RPS24: variants seen among roughly 807,000 people sequenced by gnomAD.
The protein encoded by RPS24 is ribosomal protein S24, also known as small ribosomal subunit protein eS24.
For missense variants in RPS24, 100 were observed against 162.5 expected (o/e 0.62, Z 2.09); for synonymous variants, 72 against 55.6 (o/e 1.30, Z -1.31).
chr10:78,042,814 T>A (rs1423567101), downstream of RPS24, among the ~76,000 whole-genome samples: 1 of 152,086 alleles, frequency 6.6e-6, no homozygotes, highest in Non-Finnish European at 1.5e-5. Flanking sequence ...AACCATGAGT[T>A]CTGTTTGTAG....
At chr10:78,038,988 A>T (rs1401971117) in intron 4 of RPS24, 1 of 152,166 alleles carries the variant, frequency 6.6e-6, no homozygotes, top group Admixed American at 6.6e-5. Context: ...TTGTAATGTG[A>T]TAAGTGGGGT....
intron 4 of RPS24, chr10:78,038,182 G>A (rs1201389948): frequency 2.0e-5 from 5 of 249,830 alleles, no homozygotes; most frequent in Non-Finnish European, 8.1e-6. Flanking sequence ...TTTTAAGATA[G>A]TATATTATGA....
chr10:78,045,882 A>G (rs574039935), intron 4 of RPS24, among the ~76,000 whole-genome samples: 16 of 152,012 alleles, frequency 1.1e-4, no homozygotes, highest in African/African-American at 3.9e-4. Context: ...CGTGCCTGTA[A>G]TCTCAATTAC....
intron 1 of RPS24, chr10:78,034,229 C>T: frequency 1.9e-6 from 1 of 513,730 alleles, no homozygotes; most frequent in Admixed American, 3.3e-5. Context: ...ATCTCGTCTG[C>T]AGTTCCTCAT....
At chr10:78,049,394 G>GGCC (rs1848077369) in intron 4 of RPS24, among the ~76,000 whole-genome samples, 1 of 152,152 alleles carries the variant, frequency 6.6e-6, no homozygotes, top group South Asian at 2.1e-4. Context: ...GGTTTAGAGG[G>GGCC]TATGTTAGGG....
At chr10:78,052,801 G>C (rs77101381) in intron 4 of RPS24, among the ~76,000 whole-genome samples, 1 of 152,200 alleles carries the variant, frequency 6.6e-6, no homozygotes, top group Non-Finnish European at 1.5e-5. Context: ...TTGTCCTGGA[G>C]TGTGGAGTGT....
intron 2 of RPS24, 38 bp downstream of exon 2, chr10:78,035,455 TTACTC>T (rs765078350): frequency 1.2e-6 from 2 of 1,613,120 alleles, no homozygotes; most frequent in African/African-American, 2.7e-5. Context: ...TAATTGTCCT[TTACTC>T]TAAAGATGTA....
chr10:78,045,960 C>CCACT (rs1848039148), intron 4 of RPS24, among the ~76,000 whole-genome samples: 1 of 152,044 alleles, frequency 6.6e-6, no homozygotes, highest in Non-Finnish European at 1.5e-5. Flanking sequence ...CGAGACCATG[C>CCACT]CACTGCACTC....
downstream of RPS24, among the ~76,000 whole-genome samples, chr10:78,045,443 G>A (rs1194820310): frequency 2.6e-5 from 4 of 152,020 alleles, no homozygotes; most frequent in East Asian, 7.7e-4. Flanking sequence ...CTGCTATCCG[G>A]GCTAGATGAG....
intron 4 of RPS24, chr10:78,039,872 G>T (rs991976645): frequency 1.2e-5 from 5 of 406,190 alleles, no homozygotes; most frequent in African/African-American, 1.0e-4. Context: ...AGAGCAGAGG[G>T]GCAGAGGCTC....
At chr10:78,041,022 G>A (rs528593105), downstream of RPS24, among the ~76,000 whole-genome samples, 3 of 151,102 alleles carry the variant, frequency 2.0e-5, no homozygotes, top group Non-Finnish European at 3.0e-5. Context: ...TTTTTTTTTC[G>A]AGACAGGGTC....
chr10:78,037,876 T>C (rs1847906479), intron 4 of RPS24: 1 of 941,860 alleles, frequency 1.1e-6, no homozygotes, highest in African/African-American at 1.7e-5. Flanking sequence ...GTTGTTAAAT[T>C]AACAAATAAT....
chr10:78,046,346 CTTTTT>C lies in RPS24; in HGVS notation c.391-8170_391-8166del, dbSNP rs57003851. The stretch of plus-strand genomic sequence containing the variant: ...GTCTTGCACAAATTATCTCATTTAC[CTTTTT>C]TTTTTTTTTTTTTTGAGAATGAGTC... On this transcript the variant is annotated intron_variant, in intron 4 of 4. Transcript: ENST00000440692. 7.1e-3 allele frequency among the ~76,000 whole-genome samples: 892 copies of C among 126,142 alleles called. 13 individuals are homozygous for C. Among genetic ancestry groups the C allele is most frequent in the African/African-American group, 0.029 (839 of 29,400 alleles). The allele number at this position is 126,142 out of a possible 152,430, so 82.8% of individuals were successfully genotyped here. A position where few individuals can be genotyped will look rare whatever the true frequency, so the allele number is the denominator to read the frequency against.
intron 3 of RPS24, 78 bp from the exon 4 acceptor site, chr10:78,037,116 G>T: frequency 6.5e-7 from 1 of 1,529,940 alleles, no homozygotes; most frequent in South Asian, 1.2e-5. Context: ...GCTCAGACTG[G>T]GTCAGTTTCC....
rs370837173 is a variant in RPS24 at position 78,037,420 on chromosome 10, CTCT to C, written c.390+123_390+125del. ...CTTTTCTTAATGTTTCTTCTTTTCC[CTCT>C]TCTTCTGGATTACAGAAGGTAACAT... is the stretch of plus-strand genomic sequence containing the variant. On this transcript the variant is annotated intron_variant, in intron 4 of 5. Coordinates refer to ENST00000372360, the MANE Select transcript of RPS24 (RefSeq NM_033022.4). The C allele has an allele frequency of 7.2e-4, 1,048 of 1,449,266 alleles. 5 individuals carry two copies. The African/African-American group carries it at 9.5e-3, about 13-fold the overall frequency. The allele number at this position is 1,449,266 out of a possible 1,614,324, so 89.8% of individuals were successfully genotyped here. A position where few individuals can be genotyped will look rare whatever the true frequency, so the allele number is the denominator to read the frequency against.
chr10:78,042,125 C>T (rs1487835376), downstream of RPS24, among the ~76,000 whole-genome samples: 2 of 152,246 alleles, frequency 1.3e-5, no homozygotes, highest in East Asian at 3.8e-4. Flanking sequence ...TTTCCAGCCT[C>T]TTGAAATACC....
intron 4 of RPS24, 49 bp downstream of exon 4, chr10:78,037,353 T>C (rs1486738355): frequency 6.5e-7 from 1 of 1,549,534 alleles, no homozygotes; most frequent in African/African-American, 1.4e-5. Context: ...TGTAGGTCTT[T>C]AGTTTCTAGG....
intron 4 of RPS24, among the ~76,000 whole-genome samples, chr10:78,053,060 G>A (rs1357664433): frequency 6.6e-6 from 1 of 151,992 alleles, no homozygotes; most frequent in Non-Finnish European, 1.5e-5. Context: ...GCCTGAGGCA[G>A]GAGAATCGCT....
intron 4 of RPS24, among the ~76,000 whole-genome samples, chr10:78,050,242 C>T (rs940246749): frequency 2.6e-5 from 4 of 152,150 alleles, no homozygotes; most frequent in Admixed American, 1.3e-4. Flanking sequence ...TATTGCTCCC[C>T]ATTCCAAACT....
Sources: gnomAD v4.1 joint callset for allele counts (sites outside exome capture counted in the v4.1 genomes callset) on GRCh38, gnomAD v4.1.1 for gene constraint, MANE v1.5 for transcripts, NCBI Gene and HGNC (gene_info 2026-07-23, HGNC 2026-07-21) for gene names.